PPM1B: variants seen among roughly 807,000 people sequenced by gnomAD.
The protein encoded by PPM1B is protein phosphatase, Mg2+/Mn2+ dependent 1B.
A neutral mutation model predicts 43.0 loss-of-function variants in PPM1B; 22 were observed. The ratio of observed to expected loss-of-function variants is 0.51; its 90% CI spans 0.37 to 0.73. PPM1B has a LOEUF of 0.73. Among genes scored for constraint, PPM1B ranks in the 30% least tolerant of loss-of-function variants. PPM1B has a pLI of 0.00. For synonymous variants in PPM1B, 217 were observed against 197.9 expected, an observed-to-expected ratio of 1.10 and a Z score of -0.81; for missense variants, 632 against 584.2, an observed-to-expected ratio of 1.08 and a Z score of -0.84.
At chr2:44,202,458 G>T (rs889125915) in intron 2 of PPM1B, among the ~76,000 whole-genome samples, 2 of 152,136 alleles carry the variant, frequency 1.3e-5, no homozygotes, top group African/African-American at 4.8e-5. Flanking sequence ...TGTACTAGAT[G>T]CCTAGCCTGT....
chr2:44,230,348 G>A, intron 5 of PPM1B, 65 bp from the exon 6 acceptor site: 1 of 1,572,376 alleles, frequency 6.4e-7, no homozygotes, highest in Non-Finnish European at 8.6e-7. Context: ...GCTGTAATGT[G>A]TTATGAAATA....
chr2:44,192,795 C>T (rs543964241), intron 1 of PPM1B, among the ~76,000 whole-genome samples: 1 of 152,208 alleles, frequency 6.6e-6, no homozygotes, highest in Non-Finnish European at 1.5e-5. Context: ...TTAGATGTCA[C>T]ATGCAAGTGA....
chr2:44,232,261 C>T, downstream of PPM1B: 1 of 1,570,680 alleles, frequency 6.4e-7, no homozygotes, highest in Non-Finnish European at 8.6e-7. Flanking sequence ...AAATTCAATC[C>T]AATCTGGAAG....
At chr2:44,190,750 A>T (rs1261711571) in intron 1 of PPM1B, among the ~76,000 whole-genome samples, 1 of 152,030 alleles carries the variant, frequency 6.6e-6, no homozygotes, top group Non-Finnish European at 1.5e-5. Flanking sequence ...GCATTTTCAC[A>T]CTCCATAAAT....
chr2:44,217,615 A>G (rs1174224164), intron 3 of PPM1B, among the ~76,000 whole-genome samples: 1 of 152,144 alleles, frequency 6.6e-6, no homozygotes, highest in African/African-American at 2.4e-5. Context: ...CAAGACACCT[A>G]TTTCGTAATT....
At chr2:44,200,022 A>G (rs921759174) in intron 1 of PPM1B, among the ~76,000 whole-genome samples, 14 of 152,304 alleles carry the variant, frequency 9.2e-5, no homozygotes, top group Middle Eastern at 3.4e-3. Context: ...TTAAATCACC[A>G]GCATGCTTTT....
chr2:44,223,454 G>GT (rs1315511624), intron 5 of PPM1B, among the ~76,000 whole-genome samples: 2 of 152,078 alleles, frequency 1.3e-5, no homozygotes, highest in African/African-American at 4.8e-5. Flanking sequence ...GTGAATATTA[G>GT]TTTTTTCATA....
chr2:44,233,350 A>T, downstream of PPM1B: 3 of 983,736 alleles, frequency 3.0e-6, no homozygotes, highest in Non-Finnish European at 3.6e-6. Context: ...ATTTTATAAC[A>T]TTGGGCACGG....
At chr2:44,196,575 G>T (rs1390181523) in intron 1 of PPM1B, among the ~76,000 whole-genome samples, 1 of 152,124 alleles carries the variant, frequency 6.6e-6, no homozygotes, top group Non-Finnish European at 1.5e-5. Context: ...ACCCTTATGG[G>T]GTGGGAAGTT....
intron 1 of PPM1B, among the ~76,000 whole-genome samples, chr2:44,176,475 A>G (rs1243284334): frequency 1.3e-5 from 2 of 152,208 alleles, no homozygotes. Context: ...AACTTGGTCT[A>G]TATATTTATC....
intron 1 of PPM1B, among the ~76,000 whole-genome samples, chr2:44,178,856 A>T (rs144767764): frequency 3.2e-3 from 490 of 152,354 alleles, no homozygotes; most frequent in African/African-American, 0.011. Flanking sequence ...AATAAAAAAG[A>T]CATAGGCAAA....
chr2:44,234,952 C>T (rs1228382089), downstream of PPM1B, among the ~76,000 whole-genome samples: 2 of 152,044 alleles, frequency 1.3e-5, no homozygotes, highest in South Asian at 2.1e-4. Flanking sequence ...TGTGCTTTTG[C>T]GTTCAGTCTG....
chr2:44,169,309 G>C (rs1274744113), intron 1 of PPM1B, 35 bp downstream of exon 1: 1 of 152,346 alleles, frequency 6.6e-6, no homozygotes, highest in Non-Finnish European at 1.5e-5. Flanking sequence ...GAGGGGAAGC[G>C]GCTGACCGGC....
chr2:44,228,072 G>C (rs1305367795), intron 5 of PPM1B, among the ~76,000 whole-genome samples: 5 of 150,902 alleles, frequency 3.3e-5, no homozygotes, highest in Admixed American at 3.3e-4. Context: ...GCAGGCACTT[G>C]CCACTGCGTG....
downstream of PPM1B, chr2:44,234,675 T>G: frequency 1.0e-6 from 1 of 965,604 alleles, no homozygotes. Flanking sequence ...CTCAAGTATT[T>G]TGGTCTGAGG....
At chr2:44,230,222 ATGACT>A (rs1670408125) in intron 5 of PPM1B, 186 bp from the exon 6 acceptor site, 1 of 1,414,034 alleles carries the variant, frequency 7.1e-7, no homozygotes. Context: ...TTTGCTTAAA[ATGACT>A]TGAGATTATT....
At chr2:44,233,506 T>C, downstream of PPM1B, 1 of 985,238 alleles carries the variant, frequency 1.0e-6, no homozygotes, top group South Asian at 4.7e-5. Flanking sequence ...GAAAGAAGTT[T>C]CTGGGTTAGG....
chr2:44,197,559 A>T (rs970210092), intron 1 of PPM1B, among the ~76,000 whole-genome samples: 2 of 152,230 alleles, frequency 1.3e-5, no homozygotes. Context: ...GTCAGTATCC[A>T]GTCAGGGATA....
At position 44,209,217 on chromosome 2, in the gene PPM1B, G is replaced by C. The variant is rs780455688; in HGVS notation, c.854G>C (p.Arg285Pro). ...TTTTTCTTTAATACACAGGGAAGTC[G>C]AGATAACATGAGTATTGTACTAGTT... ...VVDTCLHKGSRDNMSIVLVCF... is the reference protein window; with the variant it reads ...VVDTCLHKGSPDNMSIVLVCF... The change falls in exon 3 of 6, where the codon CGA (arginine) becomes CCA (proline). Residue 285 changes from arginine to proline, a missense_variant. Physicochemically the swap from Arg to Pro is moderately radical, Grantham distance 103. Around this residue, in one of 3 missense-constraint regions of PPM1B, gnomAD observed 392 missense variants for 302.7 expected, o/e 1.29. Transcript: ENST00000282412. 6.3e-7 allele frequency: 1 copy of C among 1,590,020 alleles called. No homozygotes were observed. Among genetic ancestry groups the C allele is most frequent in the Non-Finnish European group, 8.6e-7 (1 of 1,169,272 alleles).
Sources: allele counts gnomAD v4.1 joint callset (sites outside exome capture counted in the v4.1 genomes callset), GRCh38; gene constraint gnomAD v4.1.1; regional missense constraint gnomAD v4.1.1; transcripts MANE v1.5; gene names NCBI Gene and HGNC (gene_info 2026-07-23, HGNC 2026-07-21).